Variants in FBXW2 observed in about 807,000 individuals in gnomAD.
FBXW2 encodes F-box and WD repeat domain containing 2.
FBXW2 carries 12 observed loss-of-function variants against 46.0 expected under a neutral mutation model. That is an observed-to-expected ratio of 0.26 (90% confidence interval 0.17 to 0.42). The LOEUF (loss-of-function observed/expected upper bound fraction) is 0.42. Ranked by LOEUF, FBXW2 falls within the 10% of genes least tolerant of loss-of-function variation. The probability of loss-of-function intolerance (pLI) is 1.00; values close to 1 mark genes in which losing one functional copy is unlikely to be tolerated. For missense variants in FBXW2, 360 were observed against 537.0 expected, an observed-to-expected ratio of 0.67 and a Z score of 3.26; for synonymous variants, 203 against 209.6, an observed-to-expected ratio of 0.97 and a Z score of 0.27.
rs997570106 is a variant in FBXW2 at position 120,793,194 on chromosome 9, C to A, written c.-66G>T. The A allele has an allele frequency of 8.8e-6, 5 of 566,222 alleles. No homozygotes were observed. Among genetic ancestry groups the A allele is most frequent in the African/African-American group, 1.9e-5 (1 of 52,394 alleles). The allele number at this position is 566,222 out of a possible 1,614,324, so 35.1% of individuals were successfully genotyped here. ...CCGGGACCTCGCGCCGGGTTCACAGCTACTAGGCACGCTCGGACCGCCAGA... is the reference window on the plus strand; with the variant it reads ...CCGGGACCTCGCGCCGGGTTCACAGATACTAGGCACGCTCGGACCGCCAGA... On this transcript the variant is annotated 5_prime_UTR_variant, in exon 2 of 8. Coordinates refer to ENST00000608872, the MANE Select transcript of FBXW2 (RefSeq NM_012164.4).
intron 3 of FBXW2, among the ~76,000 whole-genome samples, chr9:120,781,079 G>C (rs2044601950): frequency 1.3e-5 from 2 of 151,196 alleles, no homozygotes; most frequent in Non-Finnish European, 2.9e-5. Flanking sequence ...TTAAACCTAA[G>C]GATGAATAAG....
intron 5 of FBXW2, among the ~76,000 whole-genome samples, chr9:120,774,460 T>G (rs1020313514): frequency 1.1e-4 from 16 of 151,888 alleles, no homozygotes; most frequent in Non-Finnish European, 2.1e-4. Flanking sequence ...TGCAGAGAGC[T>G]ATGATCATGA....
chr9:120,790,506 A>T (rs565063596), intron 2 of FBXW2, among the ~76,000 whole-genome samples: 8 of 152,246 alleles, frequency 5.3e-5, no homozygotes, highest in Non-Finnish European at 1.0e-4. Context: ...AAAGAAAAAA[A>T]ACCACACACC....
chr9:120,788,176 G>C lies in FBXW2; in HGVS notation c.83C>G (p.Thr28Ser). The change falls in exon 3 of 8, where the codon ACT (threonine) becomes AGT (serine). Residue 28 changes from threonine (T) to serine (S), a missense_variant. By Grantham distance (58) the Thr-to-Ser change is moderately conservative. Coordinates refer to ENST00000608872, the MANE Select transcript of FBXW2 (RefSeq NM_012164.4). ...LSLTDLQKNE[T>S]LDHLISLSGA... is the part of the protein sequence containing the mutation. ...ACTCAGACTAATCAGGTGATCCAGA[G>C]TTTCATTTTTCTGCAAGTCCGTCAG... 3 of 1,614,104 alleles carry C rather than the reference G, an allele frequency of 1.9e-6. No homozygotes were observed. The highest frequency in any genetic ancestry group is 2.5e-6 in the Non-Finnish European group (3 of 1,180,024).
intron 3 of FBXW2, among the ~76,000 whole-genome samples, chr9:120,787,566 C>T (rs2044749512): frequency 6.6e-6 from 1 of 151,886 alleles, no homozygotes; most frequent in Non-Finnish European, 1.5e-5. Context: ...GTGTTTTTCT[C>T]ATAAAATTTT....
intron 3 of FBXW2, among the ~76,000 whole-genome samples, chr9:120,786,741 G>A (rs1045677694): frequency 3.3e-5 from 5 of 152,104 alleles, no homozygotes; most frequent in Admixed American, 1.3e-4. Flanking sequence ...AGAACTGCCT[G>A]GAGTTATTCT....
At chr9:120,776,033 T>C in intron 5 of FBXW2, 60 bp downstream of exon 5, 3 of 1,595,394 alleles carry the variant, frequency 1.9e-6, no homozygotes, top group Non-Finnish European at 2.6e-6. Flanking sequence ...GTGTCTACCA[T>C]CCTCCACGCC....
rs189591467 is a variant in FBXW2 at position 120,775,606 on chromosome 9, T to A, written c.819+487A>T. ...ATCCTCACAACAATCTTGTTTTTTT[T>A]AAAAAAGAAAACATTACAATATTTT... On this transcript the variant is annotated intron_variant, in intron 5 of 7. Coordinates refer to ENST00000608872, the MANE Select transcript of FBXW2 (RefSeq NM_012164.4). Among the ~76,000 whole-genome samples the A allele has an allele frequency of 6.9e-3, 1,053 of 152,282 alleles. 15 individuals are homozygous for A. Among genetic ancestry groups the A allele is most frequent in the African/African-American group, 0.021 (893 of 41,550 alleles).
intron 3 of FBXW2, 49 bp downstream of exon 3, chr9:120,787,720 C>T: frequency 6.5e-7 from 1 of 1,546,592 alleles, no homozygotes; most frequent in Non-Finnish European, 8.7e-7. Context: ...AAGATTACAC[C>T]CTATGAAATA....
intron 3 of FBXW2, among the ~76,000 whole-genome samples, chr9:120,783,338 T>G (rs2044656060): frequency 6.6e-6 from 1 of 152,050 alleles, no homozygotes; most frequent in Non-Finnish European, 1.5e-5. Flanking sequence ...ACCCAACATG[T>G]TTTCAAAGAG....
chr9:120,779,118 T>TGG (rs1468094821), intron 3 of FBXW2, among the ~76,000 whole-genome samples: 1 of 152,214 alleles, frequency 6.6e-6, no homozygotes, highest in African/African-American at 2.4e-5. Context: ...AAGGAAAACC[T>TGG]GGGATAAATT....
chr9:120,785,635 TTTAAA>T (rs369257381), intron 3 of FBXW2, among the ~76,000 whole-genome samples: 39 of 152,234 alleles, frequency 2.6e-4, no homozygotes, highest in African/African-American at 8.9e-4. Flanking sequence ...ATTAAAAATA[TTTAAA>T]TTGAGTCTGG....
chr9:120,785,727 C>G (rs1476403121), intron 3 of FBXW2, among the ~76,000 whole-genome samples: 1 of 152,006 alleles, frequency 6.6e-6, no homozygotes, highest in Non-Finnish European at 1.5e-5. Context: ...GGAAAGGGCA[C>G]TAAGAAGAGC....
intron 7 of FBXW2, among the ~76,000 whole-genome samples, chr9:120,766,071 C>T (rs2044270479): frequency 6.6e-6 from 1 of 152,130 alleles, no homozygotes; most frequent in Admixed American, 6.6e-5. Flanking sequence ...TGCTCTGTGA[C>T]ATATGGTGGG....
rs773444844 is a variant in FBXW2, at chr9:120,764,542, G to A, written c.*17C>T. 1.9e-5 allele frequency: 30 copies of A among 1,600,774 alleles called. No individual in the cohort carries two copies. In the South Asian group the frequency reaches 1.9e-4, roughly 10 times the overall value. ...GCCCCGGCACCCAAAGTCAGTCAGC[G>A]GTGGTGGCTCATGGTGTCAGCCGTG... On this transcript the variant is annotated 3_prime_UTR_variant, in exon 8 of 8. Coordinates refer to ENST00000608872, the MANE Select transcript of FBXW2 (RefSeq NM_012164.4).
intron 7 of FBXW2, among the ~76,000 whole-genome samples, chr9:120,766,191 C>G (rs929837108): frequency 6.6e-6 from 1 of 152,168 alleles, no homozygotes; most frequent in Non-Finnish European, 1.5e-5. Context: ...CAAGGAAGAA[C>G]AGCTGAAGGC....
At chr9:120,775,063 C>CTT (rs112751525) in intron 5 of FBXW2, among the ~76,000 whole-genome samples, 51 of 146,458 alleles carry the variant, frequency 3.5e-4, no homozygotes, top group African/African-American at 1.2e-3. Context: ...CTTTCCTATA[C>CTT]TTTTTTTTTT....
intron 3 of FBXW2, among the ~76,000 whole-genome samples, chr9:120,784,575 T>C (rs1307406400): frequency 6.6e-6 from 1 of 151,316 alleles, no homozygotes; most frequent in Non-Finnish European, 1.5e-5. Context: ...GATCACATCA[T>C]TGCACTCCAG....
chr9:120,757,132 AAT>A lies in FBXW2; in HGVS notation c.*7425_*7426del, dbSNP rs1238195039. The A allele has an allele frequency of 1.3e-5, 2 of 148,930 alleles. No individual in the cohort carries two copies. The highest frequency in any genetic ancestry group is 2.2e-4 in the South Asian group (1 of 4,530). The allele number at this position is 148,930 out of a possible 1,614,324, so 9.2% of individuals were successfully genotyped here. A position where few individuals can be genotyped will look rare whatever the true frequency, so the allele number is the denominator to read the frequency against. ...AGAGATACAAATAAGCACACATAAAAATATGTCATTTTCTCTCTAGTCCCCTC... is the reference window on the plus strand; with the variant it reads ...AGAGATACAAATAAGCACACATAAAAATGTCATTTTCTCTCTAGTCCCCTC... On this transcript the variant is annotated 3_prime_UTR_variant, in exon 8 of 8. Coordinates refer to ENST00000608872, the MANE Select transcript of FBXW2 (RefSeq NM_012164.4).
Sources: allele counts gnomAD v4.1 joint callset (sites outside exome capture counted in the v4.1 genomes callset), GRCh38; gene constraint gnomAD v4.1.1; transcripts MANE v1.5; gene names NCBI Gene and HGNC (gene_info 2026-07-23, HGNC 2026-07-21).